Variants in UROC1 observed in about 807,000 individuals in gnomAD.
UROC1 encodes the protein urocanate hydratase 1.
UROC1 carries 79 observed loss-of-function variants against 89.5 expected under a neutral mutation model. The observed-to-expected ratio is 0.88, with a 90% CI of 0.74 to 1.06. The LOEUF is 1.06. Ranked by LOEUF, UROC1 falls within the 50% of genes least tolerant of loss-of-function variation. The pLI, the probability that UROC1 is intolerant of heterozygous loss-of-function variation, is 0.00. For synonymous variants in UROC1, 361 were observed against 354.8 expected (o/e 1.02, Z -0.20); for missense variants, 885 against 907.8 (o/e 0.97, Z 0.32).
At chr3:126,507,695 T>C (rs1441704615) in intron 6 of UROC1, 47 bp downstream of exon 6, 9 of 1,594,680 alleles carry the variant, frequency 5.6e-6, no homozygotes, top group Non-Finnish European at 7.7e-6. Context: ...TAATGACCCA[T>C]GGCTAACGGG....
At chr3:126,483,994 G>T (rs1379322319) in intron 18 of UROC1, among the ~76,000 whole-genome samples, 1 of 128,520 alleles carries the variant, frequency 7.8e-6, no homozygotes, top group African/African-American at 2.9e-5. Flanking sequence ...TGGGATTATA[G>T]GCATGGGCCA....
chr3:126,500,576 G>A (rs1325436335), intron 11 of UROC1, 119 bp downstream of exon 11: 2 of 1,233,696 alleles, frequency 1.6e-6, no homozygotes, highest in African/African-American at 1.5e-5. Context: ...GGCTCAGAGA[G>A]GTTAAGGTCT....
rs1381523966 is a variant in UROC1 at position 126,499,244 on chromosome 3, A to C, written c.1316+93T>G. 3.1e-5 allele frequency: 44 copies of C among 1,409,976 alleles called. No individual in the cohort carries two copies. In the East Asian group the frequency reaches 7.5e-4, roughly 24 times the overall value. The allele number at this position is 1,409,976 out of a possible 1,614,324, so 87.3% of individuals were successfully genotyped here. Reference sequence around the variant, plus strand: ...TGACCTCAGGGGCGGTCAGAGGCTGAAGCTTCTCCAACCTAAATACCCAGG... The same window carrying C: ...TGACCTCAGGGGCGGTCAGAGGCTGCAGCTTCTCCAACCTAAATACCCAGG... On this transcript the variant is annotated intron_variant, in intron 13 of 19. Coordinates refer to ENST00000290868, the MANE Select transcript of UROC1 (RefSeq NM_144639.3).
At position 126,482,221 on chromosome 3, in the gene UROC1, G is replaced by A. The variant is rs1935404050; in HGVS notation, c.*124C>T. On this transcript the variant is annotated 3_prime_UTR_variant, in exon 20 of 20. Transcript: ENST00000290868. ...TGGCACCCTGCACAGGGCACCATAA[G>A]GGCCACGTGAGGATGTGCGAGAAGT... 1 of 1,438,006 alleles carries A rather than the reference G, an allele frequency of 7.0e-7. No individual in the cohort carries two copies. The highest frequency in any genetic ancestry group is 9.5e-7 in the Non-Finnish European group (1 of 1,048,036). 89.1% of individuals were successfully genotyped at this position (1,438,006 alleles called of 1,614,324 possible).
intron 1 of UROC1, among the ~76,000 whole-genome samples, chr3:126,511,371 C>G (rs762658304): frequency 1.3e-5 from 2 of 152,206 alleles, no homozygotes; most frequent in Non-Finnish European, 2.9e-5. Flanking sequence ...TCTTCTAACT[C>G]CTTTCATTTC....
chr3:126,505,868 T>C (rs1376594302), intron 7 of UROC1, 24 bp from the exon 8 acceptor site: 2 of 1,612,672 alleles, frequency 1.2e-6, no homozygotes, highest in African/African-American at 2.7e-5. Flanking sequence ...AGGTGGGGGC[T>C]CACTGCCCAC....
intron 17 of UROC1, among the ~76,000 whole-genome samples, chr3:126,488,675 C>T (rs567726691): frequency 6.6e-6 from 1 of 152,340 alleles, no homozygotes; most frequent in South Asian, 2.1e-4. Flanking sequence ...CCCTTGACCC[C>T]ATTAGGGAAC....
chr3:126,496,986 G>A (rs780553661), intron 14 of UROC1, among the ~76,000 whole-genome samples: 11 of 152,140 alleles, frequency 7.2e-5, no homozygotes, highest in South Asian at 2.1e-4. Context: ...AGGGCTGGTC[G>A]TTCCCCACTG....
chr3:126,500,294 C>T, intron 11 of UROC1, 140 bp from the exon 12 acceptor site: 1 of 814,076 alleles, frequency 1.2e-6, no homozygotes, highest in Non-Finnish European at 2.0e-6. Flanking sequence ...GGGTCGGCAC[C>T]ACACACCTGG....
chr3:126,488,241 C>G lies in UROC1; in HGVS notation c.1747G>C (p.Gly583Arg). ...TTGTGAAGGGCGACCCAGGTGGCTC[C>G]GCGACAGGCATCTCCCACGAAGTTC... ...VQNFVGDACR[G>R]ATWVALHNGG... Residue 583 changes from glycine to arginine, a missense_variant, in exon 18 of 20, where the codon GGA becomes CGA. Gly to Arg is a moderately radical substitution (Grantham distance 125, BLOSUM62 -2). Transcript: ENST00000290868. 6.2e-7 allele frequency: 1 copy of G among 1,614,234 alleles called. No individual in the cohort carries two copies. The highest frequency in any genetic ancestry group is 8.5e-7 in the Non-Finnish European group (1 of 1,180,040).
intron 9 of UROC1, 76 bp from the exon 10 acceptor site, chr3:126,501,356 T>G (rs760686350): frequency 9.6e-6 from 15 of 1,564,772 alleles, no homozygotes; most frequent in Non-Finnish European, 1.2e-5. Context: ...GCACCCCAGC[T>G]GCACACAGGG....
At chr3:126,507,691 C>G in intron 6 of UROC1, 51 bp downstream of exon 6, 1 of 1,582,288 alleles carries the variant, frequency 6.3e-7, no homozygotes, top group Non-Finnish European at 8.7e-7. Flanking sequence ...TTTATAATGA[C>G]CCATGGCTAA....
intron 10 of UROC1, 145 bp downstream of exon 10, chr3:126,501,073 G>T: frequency 1.7e-6 from 2 of 1,188,542 alleles, no homozygotes; most frequent in Non-Finnish European, 2.5e-6. Context: ...CTCAAGCTTG[G>T]GTAAGGGTGT....
rs199637482 is a variant in UROC1 at position 126,489,343 on chromosome 3, G to C, written c.1641C>G (p.Asp547Glu). 4 of 1,613,354 alleles carry C rather than the reference G, an allele frequency of 2.5e-6. No individual in the cohort carries two copies. The highest frequency in any genetic ancestry group is 2.5e-6 in the Non-Finnish European group (3 of 1,180,022). The stretch of plus-strand genomic sequence containing the variant: ...TAAAGGGGCTGTCGGTGCCGCTCAC[G>C]TCATGGTGATCTCGGCTCAGGACCA... ...APVVLSRDHH[D>E]VSGTDSPFRE... Residue 547 changes from aspartate to glutamate, a missense_variant, in exon 17 of 20, where the codon GAC (aspartate) becomes GAG (glutamate). By Grantham distance (45) the Asp-to-Glu change is conservative. Coordinates refer to ENST00000290868, the MANE Select transcript of UROC1 (RefSeq NM_144639.3).
At chr3:126,508,302 C>T (rs1936116148) in intron 4 of UROC1, 114 bp downstream of exon 4, 1 of 1,373,990 alleles carries the variant, frequency 7.3e-7, no homozygotes, top group East Asian at 2.3e-5. Context: ...GAGCCTCAGG[C>T]ACCAGGGAGG....
chr3:126,517,131 C>G (rs1199243312), intron 1 of UROC1, among the ~76,000 whole-genome samples: 1 of 152,174 alleles, frequency 6.6e-6, no homozygotes, highest in Non-Finnish European at 1.5e-5. Context: ...GGCCTCAGCC[C>G]ATCTTTCCCT....
intron 18 of UROC1, among the ~76,000 whole-genome samples, chr3:126,486,301 C>T (rs1207124811): frequency 6.6e-6 from 1 of 152,254 alleles, no homozygotes; most frequent in Non-Finnish European, 1.5e-5. Flanking sequence ...ACCCCTCTGA[C>T]TGGGTCCTCC....
At chr3:126,511,017 T>C (rs1936183238) in intron 1 of UROC1, among the ~76,000 whole-genome samples, 2 of 152,110 alleles carry the variant, frequency 1.3e-5, no homozygotes, top group South Asian at 4.2e-4. Flanking sequence ...GAAGGCAGAC[T>C]GATCCCTCTC....
Position 126,505,937 on chromosome 3 carries a change from TCTCTCACC to T in UROC1, c.669_669+7del. The T allele has an allele frequency of 7.3e-7, 1 of 1,377,296 alleles. No individual in the cohort carries two copies. Among genetic ancestry groups the T allele is most frequent in the Non-Finnish European group, 9.7e-7 (1 of 1,030,410 alleles). 85.3% of individuals were successfully genotyped at this position (1,377,296 alleles called of 1,614,324 possible). On this transcript the variant is annotated splice_donor_variant and splice_donor_5th_base_variant and coding_sequence_variant and intron_variant, in exon 7 of 20. Coordinates refer to ENST00000290868, the MANE Select transcript of UROC1 (RefSeq NM_144639.3). LOFTEE classifies it high-confidence loss of function. ...AAGCCCACAGCCAGGCGTGGCCCCA[TCTCTCACC>T]ACAGTGCCATGAACGATTCCCTGGG...
Sources: allele counts gnomAD v4.1 joint callset (sites outside exome capture counted in the v4.1 genomes callset), GRCh38; gene constraint gnomAD v4.1.1; transcripts MANE v1.5; gene names NCBI Gene and HGNC (gene_info 2026-07-23, HGNC 2026-07-21).